NUDCD2: variants seen among roughly 807,000 people sequenced by gnomAD.
NUDCD2 encodes nudC domain-containing protein 2.
NUDCD2 carries 16 observed loss-of-function variants against 20.8 expected under a neutral mutation model. That is an observed-to-expected ratio of 0.77 (90% CI 0.52 to 1.17). NUDCD2 has a LOEUF of 1.17. Among genes scored for constraint, NUDCD2 ranks in the 50% most tolerant of loss-of-function variants. The pLI is 0.00. For synonymous variants in NUDCD2, 87 were observed against 72.8 expected (o/e 1.20, Z -1.00); for missense variants, 199 against 193.9 (o/e 1.03, Z -0.16).
At chr5:163,459,782 C>T (rs1758431362) in intron 1 of NUDCD2, 80 bp downstream of exon 1, 2 of 1,292,716 alleles carry the variant, frequency 1.5e-6, no homozygotes, top group Non-Finnish European at 2.1e-6. Flanking sequence ...GCCGTCGGGA[C>T]ACCCAACAGT....
At position 163,452,379 on chromosome 5, in the gene NUDCD2, CAG is replaced by C. The variant is rs1754285333; in HGVS notation, c.*1586_*1587del. ...ATGAGAAGCCTGGTATATCTTATGC[CAG>C]AGAGTAACAAATTCATTGAATAATG... On this transcript the variant is annotated 3_prime_UTR_variant, in exon 4 of 4. Coordinates refer to ENST00000302764, the MANE Select transcript of NUDCD2 (RefSeq NM_145266.6). 1 of 151,982 alleles carries C rather than the reference CAG, an allele frequency of 6.6e-6. No homozygotes were observed. The highest frequency in any genetic ancestry group is 1.5e-5 in the Non-Finnish European group (1 of 68,012). The allele number at this position is 151,982 out of a possible 1,614,324, so 9.4% of individuals were successfully genotyped here. A position where few individuals can be genotyped will look rare whatever the true frequency, so the allele number is the denominator to read the frequency against.
In NUDCD2 at chr5:163,446,558, C is replaced by T. The variant is rs1758041683; in HGVS notation, c.*7409G>A. On this transcript the variant is annotated 3_prime_UTR_variant, in exon 4 of 4. Transcript: ENST00000302764. ...TATAATTTTTAATCAAAACTATATGCTGGCCACATTAACTTCTGTGCTGTC... is the reference window on the plus strand; with the variant it reads ...TATAATTTTTAATCAAAACTATATGTTGGCCACATTAACTTCTGTGCTGTC... 2 of 152,176 alleles carry T rather than the reference C, an allele frequency of 1.3e-5. No homozygotes were observed. The highest frequency in any genetic ancestry group is 2.4e-5 in the African/African-American group (1 of 41,430). The allele number at this position is 152,176 out of a possible 1,614,324, so 9.4% of individuals were successfully genotyped here.
intron 3 of NUDCD2, among the ~76,000 whole-genome samples, chr5:163,454,923 C>G (rs1227620537): frequency 6.6e-6 from 1 of 152,118 alleles, no homozygotes; most frequent in African/African-American, 2.4e-5. Flanking sequence ...TCAACCAGTA[C>G]AGGGGCTGGC....
At chr5:163,457,842 C>T (rs1183108664) in intron 1 of NUDCD2, among the ~76,000 whole-genome samples, 2 of 152,054 alleles carry the variant, frequency 1.3e-5, no homozygotes, top group Non-Finnish European at 2.9e-5. Flanking sequence ...AAAGAAAGAT[C>T]AGGGCTCCTT....
chr5:163,448,821 A>G lies in NUDCD2; in HGVS notation c.*5146T>C, dbSNP rs1002956284. The G allele has an allele frequency of 2.0e-5, 3 of 152,350 alleles. No individual in the cohort carries two copies. Among genetic ancestry groups the G allele is most frequent in the Non-Finnish European group, 2.9e-5 (2 of 68,030 alleles). The allele number at this position is 152,350 out of a possible 1,614,324, so 9.4% of individuals were successfully genotyped here. A position where few individuals can be genotyped will look rare whatever the true frequency, so the allele number is the denominator to read the frequency against. On this transcript the variant is annotated 3_prime_UTR_variant, in exon 4 of 4. Coordinates refer to ENST00000302764, the MANE Select transcript of NUDCD2 (RefSeq NM_145266.6). ...ATATAAGCTGTTTCAAAATTCTGGA[A>G]TCAGTAAAATCCATGATTTTAACAG... is the stretch of plus-strand genomic sequence containing the variant.
Position 163,448,643 on chromosome 5 carries a change from A to T in NUDCD2, c.*5324T>A, listed in dbSNP as rs1758102197. On this transcript the variant is annotated 3_prime_UTR_variant, in exon 4 of 4. Coordinates refer to ENST00000302764, the MANE Select transcript of NUDCD2 (RefSeq NM_145266.6). ...TTTACAAGACCAGAATTAACATGAT[A>T]CCATACCAAGATAAAGATAACACAA... The T allele has an allele frequency of 6.6e-6, 1 of 152,220 alleles. No individual in the cohort carries two copies. The highest frequency in any genetic ancestry group is 2.4e-5 in the African/African-American group (1 of 41,464). The allele number at this position is 152,220 out of a possible 1,614,324, so 9.4% of individuals were successfully genotyped here.
At position 163,450,007 on chromosome 5, in the gene NUDCD2, C is replaced by CA. The variant is rs1220761156; in HGVS notation, c.*3959dup. ...CGGTGGCTCATGCCTGTAATCCCAG[C>CA]ACTTCAGAGGCTGAGGCGGGCAGAT... is the stretch of plus-strand genomic sequence containing the variant. On this transcript the variant is annotated 3_prime_UTR_variant, in exon 4 of 4. Transcript: ENST00000302764. 2 of 152,100 alleles carry CA rather than the reference C, an allele frequency of 1.3e-5. No individual in the cohort carries two copies. The highest frequency in any genetic ancestry group is 2.9e-5 in the Non-Finnish European group (2 of 68,004). The allele number at this position is 152,100 out of a possible 1,614,324, so 9.4% of individuals were successfully genotyped here. A position where few individuals can be genotyped will look rare whatever the true frequency, so the allele number is the denominator to read the frequency against.
intron 3 of NUDCD2, among the ~76,000 whole-genome samples, chr5:163,454,288 T>C (rs544609767): frequency 4.3e-4 from 66 of 152,202 alleles, no homozygotes; most frequent in Non-Finnish European, 5.7e-4. Context: ...TGGGGAAACA[T>C]ATACTTCAAT....
chr5:163,450,297 G>T lies in NUDCD2; in HGVS notation c.*3670C>A, dbSNP rs964462925. 2 of 152,084 alleles carry T rather than the reference G, an allele frequency of 1.3e-5. No individual in the cohort carries two copies. The highest frequency in any genetic ancestry group is 1.3e-4 in the Admixed American group (2 of 15,254). 9.4% of individuals were successfully genotyped at this position (152,084 alleles called of 1,614,324 possible). A position where few individuals can be genotyped will look rare whatever the true frequency, so the allele number is the denominator to read the frequency against. ...AAAGAAAAATTCCTCATGACCTGGGGTTAAGGTTCCTAGACATGACACCAA... is the reference window on the plus strand; with the variant it reads ...AAAGAAAAATTCCTCATGACCTGGGTTTAAGGTTCCTAGACATGACACCAA... On this transcript the variant is annotated 3_prime_UTR_variant, in exon 4 of 4. Coordinates refer to ENST00000302764, the MANE Select transcript of NUDCD2 (RefSeq NM_145266.6).
Position 163,459,874 on chromosome 5 carries a change from G to A in NUDCD2, c.177C>T (p.Arg59=). 2 of 1,604,038 alleles carry A rather than the reference G, an allele frequency of 1.2e-6. No individual in the cohort carries two copies. The highest frequency in any genetic ancestry group is 1.3e-5 in the African/African-American group (1 of 74,534). The change falls in exon 1 of 4, where the codon CGC becomes CGT. Residue 59 remains arginine, a synonymous_variant. Coordinates refer to ENST00000302764, the MANE Select transcript of NUDCD2 (RefSeq NM_145266.6). ...SRHVALSVGG[R]EILKGKLFDS... Reference sequence around the variant, plus strand: ...GAGCTGCCGCTACCTTGAGGATCTCGCGGCCGCCCACCGACAGCGCCACAT... The same window carrying A: ...GAGCTGCCGCTACCTTGAGGATCTCACGGCCGCCCACCGACAGCGCCACAT...
In NUDCD2 at chr5:163,447,942, G is replaced by A. The variant is rs1437617536; in HGVS notation, c.*6025C>T. On this transcript the variant is annotated 3_prime_UTR_variant, in exon 4 of 4. Coordinates refer to ENST00000302764, the MANE Select transcript of NUDCD2 (RefSeq NM_145266.6). ...GTGCTGCAATTTATAACAATCGACT[G>A]CTTTTTACTAAACAAGAAAAAGTTC... The A allele has an allele frequency of 2.0e-5, 3 of 152,152 alleles. No individual in the cohort carries two copies. The highest frequency in any genetic ancestry group is 4.4e-5 in the Non-Finnish European group (3 of 68,028). The allele number at this position is 152,152 out of a possible 1,614,324, so 9.4% of individuals were successfully genotyped here.
At chr5:163,455,422 C>T (rs1021990636) in intron 3 of NUDCD2, among the ~76,000 whole-genome samples, 4 of 152,198 alleles carry the variant, frequency 2.6e-5, no homozygotes, top group African/African-American at 4.8e-5. Context: ...CGAGAAATGA[C>T]TTGCAGAGTT....
chr5:163,455,491 C>T lies in NUDCD2; in HGVS notation c.390+1438G>A, dbSNP rs140652429. Among the ~76,000 whole-genome samples, 1,180 of 152,194 alleles carry T rather than the reference C, an allele frequency of 7.8e-3. 8 individuals are homozygous for T. Among genetic ancestry groups the T allele is most frequent in the Middle Eastern group, 0.027 (8 of 294 alleles). On this transcript the variant is annotated intron_variant, in intron 3 of 3. Transcript: ENST00000302764. Reference sequence around the variant, plus strand: ...AAGAACTGCTCTAACTGGCTGGGCGCGGTGGTTCACGCCTGTAATCCCGGC... The same window carrying T: ...AAGAACTGCTCTAACTGGCTGGGCGTGGTGGTTCACGCCTGTAATCCCGGC...
In NUDCD2 at chr5:163,448,141, A is replaced by C. The variant is rs944519379; in HGVS notation, c.*5826T>G. Reference sequence around the variant, plus strand: ...AACACTACTCCAGTCTGGGTGATGAAGTGAGACCTGTCTACAAAAAAAAGA... The same window carrying C: ...AACACTACTCCAGTCTGGGTGATGACGTGAGACCTGTCTACAAAAAAAAGA... On this transcript the variant is annotated 3_prime_UTR_variant, in exon 4 of 4. Coordinates refer to ENST00000302764, the MANE Select transcript of NUDCD2 (RefSeq NM_145266.6). 67 of 152,014 alleles carry C rather than the reference A, an allele frequency of 4.4e-4. No homozygotes were observed. Among genetic ancestry groups the C allele is most frequent in the African/African-American group, 1.6e-3 (66 of 41,460 alleles). 9.4% of individuals were successfully genotyped at this position (152,014 alleles called of 1,614,324 possible). A position where few individuals can be genotyped will look rare whatever the true frequency, so the allele number is the denominator to read the frequency against.
In NUDCD2 at chr5:163,456,666, G is replaced by A. The variant is rs1384907609; in HGVS notation, c.390+263C>T. Reference sequence around the variant, plus strand: ...GTCTATATTGATTCAACTATAGTAAGAGTTTATTCATGCATTACTGATGTA... The same window carrying A: ...GTCTATATTGATTCAACTATAGTAAAAGTTTATTCATGCATTACTGATGTA... On this transcript the variant is annotated intron_variant, in intron 3 of 3. Transcript: ENST00000302764. Among the ~76,000 whole-genome samples, 4 of 152,158 alleles carry A rather than the reference G, an allele frequency of 2.6e-5. No individual in the cohort carries two copies. In the South Asian group the frequency reaches 6.2e-4, roughly 24 times the overall value.
intron 1 of NUDCD2, 72 bp downstream of exon 1, chr5:163,459,777 CGGGACACCCAACA>C: frequency 8.0e-7 from 1 of 1,250,900 alleles, no homozygotes; most frequent in South Asian, 1.4e-5. Context: ...CAGGAGCCGT[CGGGACACCCAACA>C]GTCGTTCAGG....
Position 163,459,847 on chromosome 5 carries a change from C to A in NUDCD2, c.189+15G>T, listed in dbSNP as rs1271924397. The A allele has an allele frequency of 6.3e-7, 1 of 1,585,938 alleles. No homozygotes were observed. Among genetic ancestry groups the A allele is most frequent in the Non-Finnish European group, 8.6e-7 (1 of 1,166,948 alleles). Reference sequence around the variant, plus strand: ...GGGAAGAGGAAACTGAACACAAGCCCCGAGCTGCCGCTACCTTGAGGATCT... The same window carrying A: ...GGGAAGAGGAAACTGAACACAAGCCACGAGCTGCCGCTACCTTGAGGATCT... On this transcript the variant is annotated intron_variant, in intron 1 of 3. Transcript: ENST00000302764.
rs1442221626 is a variant in NUDCD2, at chr5:163,447,984, A to G, written c.*5983T>C. ...AAAAAGTTCTCAAATTAACACTCTA[A>G]GCTCCCACTTTAAGAAAGTAGGAAA... On this transcript the variant is annotated 3_prime_UTR_variant, in exon 4 of 4. Coordinates refer to ENST00000302764, the MANE Select transcript of NUDCD2 (RefSeq NM_145266.6). The G allele has an allele frequency of 6.6e-6, 1 of 152,112 alleles. No individual in the cohort carries two copies. The highest frequency in any genetic ancestry group is 2.4e-5 in the African/African-American group (1 of 41,436). 9.4% of individuals were successfully genotyped at this position (152,112 alleles called of 1,614,324 possible).
chr5:163,455,858 G>C (rs1038699666), intron 3 of NUDCD2, among the ~76,000 whole-genome samples: 2 of 152,170 alleles, frequency 1.3e-5, no homozygotes, highest in Non-Finnish European at 2.9e-5. Flanking sequence ...AGGTGGTCCA[G>C]ATCAGAATGG....
Sources: allele counts gnomAD v4.1 joint callset (sites outside exome capture counted in the v4.1 genomes callset), GRCh38; gene constraint gnomAD v4.1.1; transcripts MANE v1.5; gene names NCBI Gene and HGNC (gene_info 2026-07-23, HGNC 2026-07-21).